The following MIR2052HG variants were observed in gnomAD, a reference collection of about 807,000 sequenced individuals.
MIR2052HG encodes MIR2052 host gene.
chr8:74,671,406 T>G (rs536060617), intron 2 of MIR2052HG, among the ~76,000 whole-genome samples: 18 of 152,218 alleles, frequency 1.2e-4, no homozygotes, highest in Admixed American at 1.2e-3. Flanking sequence ...GCTTCGCTTG[T>G]TTTTTAGTTC....
At chr8:74,619,095 A>G (rs1378894852) in intron 2 of MIR2052HG, among the ~76,000 whole-genome samples, 1 of 152,206 alleles carries the variant, frequency 6.6e-6, no homozygotes, top group African/African-American at 2.4e-5. Flanking sequence ...TACACTGCAA[A>G]TTATAAAACA....
chr8:74,649,855 G>C (rs1251507966), intron 2 of MIR2052HG, among the ~76,000 whole-genome samples: 1 of 151,890 alleles, frequency 6.6e-6, no homozygotes, highest in African/African-American at 2.4e-5. Context: ...TTTTTTCAAA[G>C]AACTCTACAT....
intron 4 of MIR2052HG, among the ~76,000 whole-genome samples, chr8:74,707,978 G>T (rs2128741482): frequency 6.6e-6 from 1 of 152,142 alleles, no homozygotes; most frequent in African/African-American, 2.4e-5. Context: ...AAGAAGACAA[G>T]ATGAAAGAAC....
At chr8:74,671,595 G>C (rs1455997845) in intron 2 of MIR2052HG, among the ~76,000 whole-genome samples, 2 of 152,084 alleles carry the variant, frequency 1.3e-5, no homozygotes, top group Non-Finnish European at 2.9e-5. Flanking sequence ...CATTCAACTA[G>C]TCTCAAAACC....
chr8:74,701,840 A>C (rs928434749), intron 2 of MIR2052HG, among the ~76,000 whole-genome samples: 1 of 152,168 alleles, frequency 6.6e-6, no homozygotes, highest in Admixed American at 6.6e-5. Context: ...TCTCTGGTTA[A>C]CCTGGAATTG....
At chr8:74,624,593 T>C (rs1446598781) in intron 2 of MIR2052HG, among the ~76,000 whole-genome samples, 1 of 152,260 alleles carries the variant, frequency 6.6e-6, no homozygotes, top group Non-Finnish European at 1.5e-5. Context: ...ATACTTGCCA[T>C]GTATTGAAAA....
At chr8:74,695,339 T>TA (rs1203783485) in intron 2 of MIR2052HG, among the ~76,000 whole-genome samples, 8 of 152,054 alleles carry the variant, frequency 5.3e-5, no homozygotes, top group Admixed American at 5.2e-4. Context: ...ATCCTTGAAA[T>TA]ACACCAAAAT....
chr8:74,647,239 A>G (rs1419649397), intron 2 of MIR2052HG, among the ~76,000 whole-genome samples: 1 of 152,204 alleles, frequency 6.6e-6, no homozygotes, highest in African/African-American at 2.4e-5. Flanking sequence ...CATTACAGAG[A>G]GGTTGCAGGA....
At chr8:74,755,396 G>T (rs982427848) in intron 5 of MIR2052HG, among the ~76,000 whole-genome samples, 1 of 152,210 alleles carries the variant, frequency 6.6e-6, no homozygotes, top group Non-Finnish European at 1.5e-5. Context: ...GGTTTCAGTT[G>T]AGAAGATTTA....
intron 2 of MIR2052HG, among the ~76,000 whole-genome samples, chr8:74,675,192 A>G (rs1422778731): frequency 6.6e-6 from 1 of 152,036 alleles, no homozygotes; most frequent in African/African-American, 2.4e-5. Flanking sequence ...AGCAAACAGA[A>G]GATAATGGAT....
intron 2 of MIR2052HG, among the ~76,000 whole-genome samples, chr8:74,641,857 A>C (rs929586804): frequency 6.6e-6 from 1 of 152,196 alleles, no homozygotes; most frequent in Non-Finnish European, 1.5e-5. Flanking sequence ...GAGGGTGAAC[A>C]CAGGCATGTT....
At chr8:74,643,616 A>G (rs1808662678) in intron 2 of MIR2052HG, among the ~76,000 whole-genome samples, 1 of 152,228 alleles carries the variant, frequency 6.6e-6, no homozygotes. Context: ...CTGTTTATTT[A>G]CTATAATCCC....
chr8:74,670,185 G>A lies in MIR2052HG; in HGVS notation n.217-32194G>A, dbSNP rs573438067. Reference sequence around the variant, plus strand: ...AAATTTTGGTTATTTAAACCACCTAGTCTGTGCTACTTTTTATGGAAGATT... The same window carrying A: ...AAATTTTGGTTATTTAAACCACCTAATCTGTGCTACTTTTTATGGAAGATT... On this transcript the variant is annotated intron_variant and non_coding_transcript_variant, in intron 2 of 6. Transcript: ENST00000523442. 1.7e-4 allele frequency among the ~76,000 whole-genome samples: 26 copies of A among 152,258 alleles called. No homozygotes were observed. In the South Asian group the frequency reaches 5.4e-3, roughly 32 times the overall value.
intron 2 of MIR2052HG, among the ~76,000 whole-genome samples, chr8:74,696,522 T>C (rs1809298114): frequency 6.6e-6 from 1 of 151,790 alleles, no homozygotes; most frequent in South Asian, 2.1e-4. Flanking sequence ...AAAATTAAAT[T>C]AAACAAAAGA....
intron 4 of MIR2052HG, among the ~76,000 whole-genome samples, chr8:74,732,924 A>G (rs1361332758): frequency 6.6e-6 from 1 of 152,148 alleles, no homozygotes; most frequent in Non-Finnish European, 1.5e-5. Context: ...ATTTTATTCT[A>G]AATATGTTGG....
intron 2 of MIR2052HG, among the ~76,000 whole-genome samples, chr8:74,678,134 T>A (rs1390046252): frequency 6.6e-6 from 1 of 152,154 alleles, no homozygotes; most frequent in Non-Finnish European, 1.5e-5. Context: ...CTAAAATCAG[T>A]AATTAATTGA....
intron 4 of MIR2052HG, among the ~76,000 whole-genome samples, chr8:74,735,501 C>T (rs762869181): frequency 6.6e-6 from 1 of 152,072 alleles, no homozygotes; most frequent in Non-Finnish European, 1.5e-5. Context: ...ACATGTGCTC[C>T]CCGGGCTCCA....
At chr8:74,613,090 G>A (rs1157169653) in intron 2 of MIR2052HG, 1 of 338,692 alleles carries the variant, frequency 3.0e-6, no homozygotes, top group Non-Finnish European at 5.9e-6. Context: ...CAGTTTTGTG[G>A]GTAGAGGTTC....
chr8:74,667,915 A>G (rs1487577311), intron 2 of MIR2052HG, among the ~76,000 whole-genome samples: 1 of 152,062 alleles, frequency 6.6e-6, no homozygotes, highest in Non-Finnish European at 1.5e-5. Flanking sequence ...TGTGATTGGT[A>G]TGACACATTA....
Sources: allele counts gnomAD v4.1 joint callset (sites outside exome capture counted in the v4.1 genomes callset), GRCh38; gene constraint gnomAD v4.1.1; transcripts MANE v1.5; gene names NCBI Gene and HGNC (gene_info 2026-07-23, HGNC 2026-07-21).